AMOTL1: variants seen among roughly 807,000 people sequenced by gnomAD.
The protein encoded by AMOTL1 is angiomotin like 1.
In AMOTL1, 45 loss-of-function variants were observed where a neutral mutation model predicts 102.9. The observed-to-expected ratio is 0.44, with a 90% CI of 0.34 to 0.56. The LOEUF (loss-of-function observed/expected upper bound fraction) is 0.56, where lower values mean the gene tolerates loss of function less well. AMOTL1 is among the 20% of genes least tolerant of loss of function. The pLI is 0.01. For missense variants in AMOTL1, 1,114 were observed against 1,225.6 expected, an observed-to-expected ratio of 0.91 and a Z score of 1.36; for synonymous variants, 481 against 484.7, an observed-to-expected ratio of 0.99 and a Z score of 0.10.
In AMOTL1 at chr11:94,830,181, C is replaced by T. The variant is rs1368813053; in HGVS notation, c.1545C>T (p.Asn515=). The change falls in exon 5 of 13, where the codon AAC becomes AAT. Residue 515 remains asparagine (N), a synonymous_variant. Coordinates refer to ENST00000433060, the MANE Select transcript of AMOTL1 (RefSeq NM_130847.3). ...EGEIRRLHDF[N]RDLRDRLETA... is the part of the protein sequence containing the mutation. ...AGATTAGAAGACTTCATGATTTCAA[C>T]AGAGACCTCCGAGGCAGGTTTATTC... The T allele has an allele frequency of 7.5e-6, 12 of 1,605,428 alleles. No homozygotes were observed. The Admixed American group carries it at 2.1e-4, about 27-fold the overall frequency.
At position 94,872,730 on chromosome 11, in the gene AMOTL1, T is replaced by C. The variant is rs1393448675; in HGVS notation, c.*1935T>C. ...ACACTGAGCATCGGAGTACCTGTTG[T>C]GCAGACAGGAAAACTGAGGAGCTCT... On this transcript the variant is annotated 3_prime_UTR_variant, in exon 13 of 13. Coordinates refer to ENST00000433060, the MANE Select transcript of AMOTL1 (RefSeq NM_130847.3). 1.3e-5 allele frequency: 2 copies of C among 152,132 alleles called. No homozygotes were observed. The highest frequency in any genetic ancestry group is 2.9e-5 in the Non-Finnish European group (2 of 68,078). The allele number at this position is 152,132 out of a possible 1,614,324, so 9.4% of individuals were successfully genotyped here.
chr11:94,727,113 T>C (rs1406803586), intron 1 of AMOTL1, among the ~76,000 whole-genome samples: 5 of 152,098 alleles, frequency 3.3e-5, no homozygotes, highest in Admixed American at 6.6e-5. Context: ...CCAAGAGAGA[T>C]GGGAATCTTC....
At chr11:94,733,827 G>A (rs773125852) in intron 2 of AMOTL1, among the ~76,000 whole-genome samples, 3 of 152,162 alleles carry the variant, frequency 2.0e-5, no homozygotes, top group Non-Finnish European at 4.4e-5. Context: ...CCTCTGCAGG[G>A]ACCTTTTCTT....
At position 94,869,264 on chromosome 11, in the gene AMOTL1, C is replaced by T. The variant is rs1259072371; in HGVS notation, c.2555C>T (p.Ser852Leu). 6.2e-7 allele frequency: 1 copy of T among 1,613,334 alleles called. No homozygotes were observed. Among genetic ancestry groups the T allele is most frequent in the Non-Finnish European group, 8.5e-7 (1 of 1,179,668 alleles). Reference sequence around the variant, plus strand: ...CCACTGCTGCCACCCCCACCCACCTCAGCACTGTCCTCCATAGCCTCCACT... The same window carrying T: ...CCACTGCTGCCACCCCCACCCACCTTAGCACTGTCCTCCATAGCCTCCACT... ...SAPLLPPPPTSALSSIASTTA... is the reference protein window; with the variant it reads ...SAPLLPPPPTLALSSIASTTA... The change falls in exon 12 of 13, where the codon TCA becomes TTA. Residue 852 changes from serine to leucine, a missense_variant. Ser to Leu is a moderately radical substitution (Grantham distance 145). Coordinates refer to ENST00000433060, the MANE Select transcript of AMOTL1 (RefSeq NM_130847.3).
intron 1 of AMOTL1, among the ~76,000 whole-genome samples, chr11:94,773,524 T>C (rs1002455777): frequency 2.0e-5 from 3 of 152,194 alleles, no homozygotes; most frequent in Admixed American, 6.5e-5. Flanking sequence ...CATTACCATG[T>C]GTTACTACTA....
intron 4 of AMOTL1, among the ~76,000 whole-genome samples, chr11:94,827,035 CA>C (rs1951980450): frequency 1.3e-5 from 2 of 152,234 alleles, no homozygotes; most frequent in South Asian, 4.2e-4. Flanking sequence ...GGAAAGAATG[CA>C]TGATTCAGTG....
intron 3 of AMOTL1, among the ~76,000 whole-genome samples, chr11:94,752,314 T>C (rs138373463): frequency 7.4e-4 from 113 of 152,184 alleles, no homozygotes; most frequent in African/African-American, 2.6e-3. Context: ...CATCTTATAT[T>C]GGAATATGGA....
intron 2 of AMOTL1, among the ~76,000 whole-genome samples, chr11:94,738,624 A>G (rs561453393): frequency 2.6e-4 from 40 of 152,260 alleles, no homozygotes; most frequent in African/African-American, 9.6e-4. Flanking sequence ...GTTATATTTT[A>G]CTAGGGTTGT....
intron 6 of AMOTL1, among the ~76,000 whole-genome samples, chr11:94,845,366 G>A (rs1952388129): frequency 6.6e-6 from 1 of 152,158 alleles, no homozygotes; most frequent in African/African-American, 2.4e-5. Flanking sequence ...ACACAAATGG[G>A]ACCACCATTC....
At chr11:94,819,501 C>T (rs997596101) in intron 3 of AMOTL1, among the ~76,000 whole-genome samples, 11 of 152,248 alleles carry the variant, frequency 7.2e-5, no homozygotes, top group Non-Finnish European at 1.0e-4. Flanking sequence ...TCCTCTCACA[C>T]GTAAATTGTG....
chr11:94,716,218 T>G (rs1470110449), intron 1 of AMOTL1, among the ~76,000 whole-genome samples: 1 of 152,166 alleles, frequency 6.6e-6, no homozygotes, highest in Non-Finnish European at 1.5e-5. Context: ...GACTTCTATT[T>G]CTTTGTTGGA....
chr11:94,858,017 G>A (rs900068446), intron 8 of AMOTL1, among the ~76,000 whole-genome samples: 3 of 152,102 alleles, frequency 2.0e-5, no homozygotes, highest in Admixed American at 6.5e-5. Context: ...ATTAGGGGGG[G>A]CTATGAAGAG....
chr11:94,717,253 G>C (rs1184817841), intron 1 of AMOTL1, among the ~76,000 whole-genome samples: 4 of 151,074 alleles, frequency 2.6e-5, no homozygotes, highest in Admixed American at 2.0e-4. Context: ...AGAGGTAAAA[G>C]TGAGTCTGTA....
intron 6 of AMOTL1, among the ~76,000 whole-genome samples, chr11:94,840,315 GTTTGT>G (rs972411620): frequency 9.2e-5 from 14 of 152,180 alleles, no homozygotes; most frequent in Non-Finnish European, 1.6e-4. Flanking sequence ...GGGACAAAGT[GTTTGT>G]TTTAAGTCCA....
In AMOTL1 at chr11:94,821,756, G is replaced by A; in HGVS notation, c.1348G>A (p.Glu450Lys). ...RAQQMVEILT[E>K]ENRVLHQELQ... ...CCAGCAAATGGTGGAGATATTAACA[G>A]AGGAGAACCGGGTGCTTCACCAGGA... The change falls in exon 4 of 13, where the codon GAG becomes AAG. Residue 450 changes from glutamate (E) to lysine (K), a missense_variant. By Grantham distance (56) the Glu-to-Lys change is moderately conservative (BLOSUM62 1). Transcript: ENST00000433060. 1 of 1,614,052 alleles carries A rather than the reference G, an allele frequency of 6.2e-7. No individual in the cohort carries two copies. Among genetic ancestry groups the A allele is most frequent in the Non-Finnish European group, 8.5e-7 (1 of 1,179,902 alleles).
rs772247698 is a variant in AMOTL1, at chr11:94,799,159, G to A, written c.200-231G>A. Among the ~76,000 whole-genome samples, 1 of 152,068 alleles carries A rather than the reference G, an allele frequency of 6.6e-6. No individual in the cohort carries two copies. Among genetic ancestry groups the A allele is most frequent in the Non-Finnish European group, 1.5e-5 (1 of 68,006 alleles). ...GAGAAAAGGGAGGGGTTGAAGGATGGAACAATGTTTAAGAGGAAGCAGAGG... is the reference window on the plus strand; with the variant it reads ...GAGAAAAGGGAGGGGTTGAAGGATGAAACAATGTTTAAGAGGAAGCAGAGG... On this transcript the variant is annotated intron_variant, in intron 2 of 12. Transcript: ENST00000433060. The surrounding 1 kb of genome is among the most constrained non-coding windows in gnomAD (Gnocchi z 4.5).
At chr11:94,760,649 T>C (rs1950780709) in intron 3 of AMOTL1, among the ~76,000 whole-genome samples, 1 of 152,200 alleles carries the variant, frequency 6.6e-6, no homozygotes, top group Non-Finnish European at 1.5e-5. Context: ...ATGACCACTT[T>C]CTCCCTAATT....
upstream of AMOTL1, among the ~76,000 whole-genome samples, chr11:94,767,000 C>T (rs1950862549): frequency 6.6e-6 from 1 of 152,128 alleles, no homozygotes; most frequent in Non-Finnish European, 1.5e-5. Flanking sequence ...CCCAGTGCTG[C>T]CTTTTCCTCT....
intron 3 of AMOTL1, among the ~76,000 whole-genome samples, chr11:94,754,136 A>G (rs1330166459): frequency 1.3e-5 from 2 of 152,278 alleles, no homozygotes; most frequent in East Asian, 3.9e-4. Flanking sequence ...CCCAGCACAT[A>G]TTTGGCACTC....
Sources: allele counts gnomAD v4.1 joint callset (sites outside exome capture counted in the v4.1 genomes callset), GRCh38; gene constraint gnomAD v4.1.1; non-coding constraint Gnocchi (gnomAD v3.1); transcripts MANE v1.5; gene names NCBI Gene and HGNC (gene_info 2026-07-23, HGNC 2026-07-21).